Variants in BABAM2 observed in about 807,000 individuals in gnomAD.
BABAM2 encodes the protein BRISC and BRCA1-A complex member 2.
BABAM2 carries 31 observed loss-of-function variants against 54.7 expected under a neutral mutation model. That is an observed-to-expected ratio of 0.57 (90% CI 0.43 to 0.77). BABAM2 has a LOEUF of 0.77. BABAM2 is among the 30% of genes least tolerant of loss of function. The probability of loss-of-function intolerance (pLI) is 0.00; values close to 1 mark genes in which losing one functional copy is unlikely to be tolerated. For synonymous variants in BABAM2, 167 were observed against 162.9 expected, an observed-to-expected ratio of 1.03 and a Z score of -0.19; for missense variants, 364 against 455.8, an observed-to-expected ratio of 0.80 and a Z score of 1.83.
At chr2:28,074,449 A>G (rs1664470691) in intron 6 of BABAM2, among the ~76,000 whole-genome samples, 1 of 152,198 alleles carries the variant, frequency 6.6e-6, no homozygotes, top group South Asian at 2.1e-4. Context: ...GTTGAAAACC[A>G]CTGAATATTC....
At chr2:28,306,994 C>CGTTTTTTTTTT (rs1558517386) in intron 11 of BABAM2, among the ~76,000 whole-genome samples, 2 of 73,100 alleles carry the variant, frequency 2.7e-5, no homozygotes, top group Non-Finnish European at 2.7e-5. Context: ...CCACACCTGG[C>CGTTTTTTTTTT]CTTTTTTTTT....
intron 11 of BABAM2, among the ~76,000 whole-genome samples, chr2:28,320,238 C>T (rs1689916773): frequency 6.6e-6 from 1 of 152,254 alleles, no homozygotes; most frequent in South Asian, 2.1e-4. Flanking sequence ...CCAGTGTCTG[C>T]TTCCTGTCCC....
At chr2:28,026,811 T>A (rs1297440023) in intron 5 of BABAM2, among the ~76,000 whole-genome samples, 2 of 97,360 alleles carry the variant, frequency 2.1e-5, no homozygotes, top group African/African-American at 4.5e-5. Context: ...AAAAAATATA[T>A]AAATATATAT....
chr2:28,024,854 G>C (rs538987301), intron 4 of BABAM2, among the ~76,000 whole-genome samples: 1 of 152,246 alleles, frequency 6.6e-6, no homozygotes, highest in Non-Finnish European at 1.5e-5. Flanking sequence ...CTGAATTTAG[G>C]TAGAGATCAA....
Position 28,129,360 on chromosome 2 carries a change from C to T in BABAM2, c.660C>T (p.Tyr220=), listed in dbSNP as rs1460995787. The change falls in exon 7 of 12, where the codon TAC becomes TAT. Residue 220 remains tyrosine (Y), a synonymous_variant. Coordinates refer to ENST00000379624, the MANE Select transcript of BABAM2 (RefSeq NM_199191.3). The stretch of plus-strand genomic sequence containing the variant: ...CCACCCAGGTGTACCCCAAGCTGTA[C>T]TTGTCACCTCGAATTGAGCAGTAAG... ...TEATQVYPKL[Y]LSPRIEHALG... is the part of the protein sequence containing the mutation. 2.2e-5 allele frequency: 36 copies of T among 1,613,680 alleles called. No homozygotes were observed. The highest frequency in any genetic ancestry group is 3.0e-5 in the Non-Finnish European group (35 of 1,179,670).
At chr2:28,057,839 T>G (rs1488879866) in intron 6 of BABAM2, among the ~76,000 whole-genome samples, 1 of 152,008 alleles carries the variant, frequency 6.6e-6, no homozygotes, top group African/African-American at 2.4e-5. Context: ...AAAGACTTGG[T>G]TTTGATAAAG....
chr2:28,272,672 C>T (rs1021224899), intron 10 of BABAM2, among the ~76,000 whole-genome samples: 2 of 152,196 alleles, frequency 1.3e-5, no homozygotes, highest in African/African-American at 4.8e-5. Context: ...GTTATTGAGC[C>T]TGTCCCATCC....
rs529789185 is a variant in BABAM2 at position 28,117,619 on chromosome 2, C to T, written c.571-11652C>T. On this transcript the variant is annotated intron_variant, in intron 6 of 11. Transcript: ENST00000379624. ...ATTCTCTCCCACCACAGCCTGGTCT[C>T]TTCTATATATGGGAAATATGGCAGC... 2.6e-5 allele frequency among the ~76,000 whole-genome samples: 4 copies of T among 152,310 alleles called. No homozygotes were observed. The South Asian group carries it at 8.3e-4, about 32-fold the overall frequency.
At chr2:27,947,626 A>G (rs1293963791) in intron 3 of BABAM2, among the ~76,000 whole-genome samples, 3 of 152,152 alleles carry the variant, frequency 2.0e-5, no homozygotes, top group Non-Finnish European at 4.4e-5. Flanking sequence ...TATGATTTGC[A>G]AATATTTTCT....
intron 6 of BABAM2, among the ~76,000 whole-genome samples, chr2:28,123,293 C>T (rs1342380550): frequency 6.6e-6 from 1 of 152,186 alleles, no homozygotes; most frequent in Non-Finnish European, 1.5e-5. Context: ...ACTGTTACAT[C>T]TCACCAGAAT....
intron 7 of BABAM2, among the ~76,000 whole-genome samples, chr2:28,179,331 A>T (rs968550488): frequency 1.3e-5 from 2 of 152,194 alleles, no homozygotes; most frequent in African/African-American, 4.8e-5. Flanking sequence ...GGTTCAACAT[A>T]CACAAATCAA....
chr2:27,983,051 A>G (rs1166141605), intron 3 of BABAM2, among the ~76,000 whole-genome samples: 6 of 151,952 alleles, frequency 3.9e-5, no homozygotes, highest in Non-Finnish European at 8.8e-5. Context: ...TCTGGATCAT[A>G]TGTTAATTTT....
At chr2:27,989,462 T>C (rs748109512) in intron 4 of BABAM2, among the ~76,000 whole-genome samples, 6 of 152,118 alleles carry the variant, frequency 3.9e-5, no homozygotes, top group Non-Finnish European at 8.8e-5. Flanking sequence ...ATAAGCACAT[T>C]GGAAGTAGCT....
At chr2:28,119,149 C>T (rs549296287) in intron 6 of BABAM2, among the ~76,000 whole-genome samples, 6 of 152,152 alleles carry the variant, frequency 3.9e-5, no homozygotes, top group East Asian at 3.9e-4. Flanking sequence ...GTTGGAGTCA[C>T]GTAGCATGAT....
chr2:28,137,647 C>G (rs1012389750), intron 7 of BABAM2, among the ~76,000 whole-genome samples: 2 of 152,160 alleles, frequency 1.3e-5, no homozygotes, highest in African/African-American at 4.8e-5. Context: ...TTTTTGGAAA[C>G]ATTCTGGTGT....
intron 10 of BABAM2, among the ~76,000 whole-genome samples, chr2:28,291,715 TAAAAG>T (rs1041590101): frequency 6.6e-6 from 1 of 152,234 alleles, no homozygotes; most frequent in African/African-American, 2.4e-5. Flanking sequence ...TCTTGTCACT[TAAAAG>T]AAAGGTAGTG....
At chr2:28,094,807 C>T (rs2148698048) in intron 6 of BABAM2, among the ~76,000 whole-genome samples, 1 of 151,574 alleles carries the variant, frequency 6.6e-6, no homozygotes, top group East Asian at 1.9e-4. Flanking sequence ...CTCTTCCTTC[C>T]ACAGAAGGTG....
intron 7 of BABAM2, among the ~76,000 whole-genome samples, chr2:28,197,727 C>T (rs1418434200): frequency 6.6e-6 from 1 of 152,108 alleles, no homozygotes; most frequent in Admixed American, 6.6e-5. Flanking sequence ...CTGTTTCTCC[C>T]AGTATGTATG....
chr2:28,092,545 A>C (rs1666238694), intron 6 of BABAM2, among the ~76,000 whole-genome samples: 1 of 152,186 alleles, frequency 6.6e-6, no homozygotes, highest in Non-Finnish European at 1.5e-5. Context: ...TGAAATTTGT[A>C]AAATATTGCT....
Sources: gnomAD v4.1 joint callset for allele counts (sites outside exome capture counted in the v4.1 genomes callset) on GRCh38, gnomAD v4.1.1 for gene constraint, MANE v1.5 for transcripts, NCBI Gene and HGNC (gene_info 2026-07-23, HGNC 2026-07-21) for gene names.